The following SEMA5A variants were observed in gnomAD, a reference collection of about 807,000 sequenced individuals.
SEMA5A encodes semaphorin 5A, also known as semaphorin-5A.
In SEMA5A, 55 loss-of-function variants were observed where a neutral mutation model predicts 135.5. That is an observed-to-expected ratio of 0.41 (90% CI 0.33 to 0.51). The LOEUF (loss-of-function observed/expected upper bound fraction) is 0.51. Ranked by LOEUF, SEMA5A falls within the 20% of genes least tolerant of loss-of-function variation. The pLI, the probability that SEMA5A is intolerant of heterozygous loss-of-function variation, is 0.37. For synonymous variants in SEMA5A, 580 were observed against 546.5 expected (o/e 1.06, Z -0.85); for missense variants, 1,290 against 1,419.9 (o/e 0.91, Z 1.47).
In SEMA5A at chr5:9,051,901, C is replaced by T. The variant is rs145965659; in HGVS notation, c.2817G>A (p.Pro939=). The change falls in exon 20 of 23, where the codon CCG becomes CCA. Residue 939 remains proline (P), a synonymous_variant. Transcript: ENST00000382496. ...GGATGAAATTAGAGTCAAACACACA[C>T]GGCCGGCTCTCCGTGGTGTTCCCGG... ...QCSGNTTESR[P]CVFDSNFIPE... 1.0e-3 allele frequency: 1,658 copies of T among 1,614,166 alleles called. 27 individuals carry two copies. The South Asian group carries it at 0.016, about 15-fold the overall frequency.
intron 13 of SEMA5A, among the ~76,000 whole-genome samples, chr5:9,123,794 T>C (rs1429367661): frequency 1.3e-5 from 2 of 152,148 alleles, no homozygotes; most frequent in South Asian, 2.1e-4. Context: ...GTCAAACCTG[T>C]TTTCTGATCA....
chr5:9,346,675 C>T (rs574838098), intron 3 of SEMA5A, among the ~76,000 whole-genome samples: 1 of 152,306 alleles, frequency 6.6e-6, no homozygotes, highest in African/African-American at 2.4e-5. Context: ...GTGGAACTCA[C>T]CCCTGCTAGT....
intron 1 of SEMA5A, among the ~76,000 whole-genome samples, chr5:9,515,348 A>G (rs1307393263): frequency 6.6e-6 from 1 of 152,236 alleles, no homozygotes; most frequent in Non-Finnish European, 1.5e-5. Context: ...AAGTCCAACC[A>G]TCTGAAGGCA....
At chr5:9,234,993 C>T (rs532657135) in intron 6 of SEMA5A, among the ~76,000 whole-genome samples, 10 of 152,184 alleles carry the variant, frequency 6.6e-5, no homozygotes, top group African/African-American at 1.7e-4. Context: ...CCAATGATCA[C>T]GGCTTAAGGC....
intron 5 of SEMA5A, among the ~76,000 whole-genome samples, chr5:9,282,515 C>A (rs535577343): frequency 8.5e-5 from 13 of 152,154 alleles, no homozygotes; most frequent in Admixed American, 7.2e-4. Flanking sequence ...AAATGACACA[C>A]TCCTCTCTGA....
At chr5:9,218,567 G>A (rs890069007) in intron 8 of SEMA5A, among the ~76,000 whole-genome samples, 10 of 152,176 alleles carry the variant, frequency 6.6e-5, no homozygotes, top group African/African-American at 2.2e-4. Context: ...GCTGACTAAG[G>A]TTAGCAGCTG....
intron 1 of SEMA5A, among the ~76,000 whole-genome samples, chr5:9,507,660 G>A (rs446732): frequency 0.89 from 135,493 of 152,156 alleles, 60,548 homozygotes; most frequent in Middle Eastern, 0.95. Flanking sequence ...GGCAGAACTC[G>A]TGCTCTACCC....
chr5:9,434,423 A>G (rs951547581), intron 2 of SEMA5A, among the ~76,000 whole-genome samples: 1 of 152,166 alleles, frequency 6.6e-6, no homozygotes, highest in Non-Finnish European at 1.5e-5. Context: ...ACATTAATGC[A>G]CTTTAAAAAT....
intron 1 of SEMA5A, among the ~76,000 whole-genome samples, chr5:9,523,401 C>T (rs1419056680): frequency 6.6e-6 from 1 of 152,166 alleles, no homozygotes; most frequent in Non-Finnish European, 1.5e-5. Flanking sequence ...GAATTGTAAA[C>T]ATTTAAAGTG....
At position 9,204,539 on chromosome 5, in the gene SEMA5A, G is replaced by A. The variant is rs1413177576; in HGVS notation, c.647-2299C>T. Among the ~76,000 whole-genome samples, 1 of 152,224 alleles carries A rather than the reference G, an allele frequency of 6.6e-6. No individual in the cohort carries two copies. Among genetic ancestry groups the A allele is most frequent in the East Asian group, 1.9e-4 (1 of 5,202 alleles). ...TGTAGAATGCTAAGTCTTGTGCCAA[G>A]ATCTGTGCTTGGTGCTTTATATCCC... On this transcript the variant is annotated intron_variant, in intron 8 of 22. Transcript: ENST00000382496. The surrounding 1 kb of genome is among the most constrained non-coding windows in gnomAD (Gnocchi z 6.4).
intron 5 of SEMA5A, among the ~76,000 whole-genome samples, chr5:9,278,053 C>T (rs1750355194): frequency 6.6e-6 from 1 of 150,676 alleles, no homozygotes; most frequent in South Asian, 2.1e-4. Flanking sequence ...GTTTATTTTA[C>T]TTTATCAGTA....
intron 16 of SEMA5A, among the ~76,000 whole-genome samples, chr5:9,104,818 G>C (rs1370308871): frequency 6.6e-6 from 1 of 152,198 alleles, no homozygotes; most frequent in African/African-American, 2.4e-5. Context: ...GAGGACCCCA[G>C]ATGCTCCTGT....
intron 16 of SEMA5A, among the ~76,000 whole-genome samples, chr5:9,081,870 C>A (rs908825566): frequency 1.3e-5 from 2 of 152,156 alleles, no homozygotes; most frequent in African/African-American, 4.8e-5. Context: ...TAAGAGAATT[C>A]ACAGAACTTA....
At chr5:9,372,173 C>T (rs1561195622) in intron 3 of SEMA5A, among the ~76,000 whole-genome samples, 1 of 152,172 alleles carries the variant, frequency 6.6e-6, no homozygotes. Flanking sequence ...CACAGGGACT[C>T]GAGGAATCCT....
intron 5 of SEMA5A, among the ~76,000 whole-genome samples, chr5:9,242,035 G>T (rs567580503): frequency 6.6e-6 from 1 of 152,172 alleles, no homozygotes. Context: ...CCACCTGAGG[G>T]CTTTCTTTTT....
At chr5:9,202,262 G>C (rs755650126) in intron 8 of SEMA5A, 22 bp from the exon 9 acceptor site, 1 of 1,601,972 alleles carries the variant, frequency 6.2e-7, no homozygotes, top group East Asian at 2.2e-5. Context: ...AGAAAAGAGG[G>C]AAAAAATCTC....
intron 16 of SEMA5A, among the ~76,000 whole-genome samples, chr5:9,068,749 T>C (rs1374238788): frequency 6.6e-6 from 1 of 152,058 alleles, no homozygotes; most frequent in Non-Finnish European, 1.5e-5. Context: ...CTGGTGTGCA[T>C]TGAGATGATT....
intron 8 of SEMA5A, among the ~76,000 whole-genome samples, chr5:9,211,279 A>C (rs1349189557): frequency 6.6e-6 from 1 of 152,150 alleles, no homozygotes; most frequent in African/African-American, 2.4e-5. Context: ...TGGAAAAAAA[A>C]AATAGGCTGC....
chr5:9,308,814 A>G (rs1337223083), intron 5 of SEMA5A, among the ~76,000 whole-genome samples: 5 of 152,118 alleles, frequency 3.3e-5, no homozygotes, highest in Non-Finnish European at 7.4e-5. Flanking sequence ...GCTGTTGAAT[A>G]TTGAAAATAA....
Sources: gnomAD v4.1 joint callset for allele counts (sites outside exome capture counted in the v4.1 genomes callset) on GRCh38, gnomAD v4.1.1 for gene constraint, Gnocchi (gnomAD v3.1) non-coding constraint, MANE v1.5 for transcripts, NCBI Gene and HGNC (gene_info 2026-07-23, HGNC 2026-07-21) for gene names.